ZNF892: variants seen among roughly 807,000 people sequenced by gnomAD.
The protein encoded by ZNF892 is zinc finger protein 892, also known as zinc finger protein 570-like.
chr2:95,262,152 G>A, the ZNF892 span, among the ~76,000 whole-genome samples: 2 of 152,192 alleles, frequency 1.3e-5, no homozygotes, highest in African/African-American at 2.4e-5. Flanking sequence ...TTGGGGACTA[G>A]GAGAGTAAAA....
the ZNF892 span, chr2:95,215,102 TG>T: frequency 2.0e-6 from 1 of 502,350 alleles, no homozygotes; most frequent in South Asian, 4.9e-5. Flanking sequence ...TCATTCACAC[TG>T]GAGAGAAACC....
chr2:95,243,870 T>C, the ZNF892 span, among the ~76,000 whole-genome samples: 36 of 152,138 alleles, frequency 2.4e-4, no homozygotes, highest in Admixed American at 1.6e-3. Context: ...GAACGGGCCA[T>C]GATGACAATG....
chr2:95,236,049 T>G, the ZNF892 span, among the ~76,000 whole-genome samples: 1 of 152,182 alleles, frequency 6.6e-6, no homozygotes, highest in Non-Finnish European at 1.5e-5. Flanking sequence ...GGCAGGGGAC[T>G]CTGTGGGCAA....
At chr2:95,210,595 T>C in the ZNF892 span, among the ~76,000 whole-genome samples, 1 of 152,212 alleles carries the variant, frequency 6.6e-6, no homozygotes, top group Admixed American at 6.5e-5. Context: ...CCACTTCTGT[T>C]CCCATGCACA....
chr2:95,221,960 T>C, the ZNF892 span, among the ~76,000 whole-genome samples: 4 of 152,006 alleles, frequency 2.6e-5, no homozygotes, highest in African/African-American at 9.7e-5. Context: ...TCTTCCTCCT[T>C]CTCCTTTCAC....
chr2:95,218,931 TCAA>T, the ZNF892 span, among the ~76,000 whole-genome samples: 1 of 152,206 alleles, frequency 6.6e-6, no homozygotes, highest in Non-Finnish European at 1.5e-5. Flanking sequence ...GGTTAGGGTG[TCAA>T]CAATGAATTG....
chr2:95,242,748 T>C, the ZNF892 span, among the ~76,000 whole-genome samples: 1 of 152,138 alleles, frequency 6.6e-6, no homozygotes, highest in Non-Finnish European at 1.5e-5. Flanking sequence ...AAGAGATCCA[T>C]CTCATGTGCA....
At chr2:95,207,492 C>T in the ZNF892 span, 1 of 260,036 alleles carries the variant, frequency 3.8e-6, no homozygotes, top group African/African-American at 2.2e-5. Context: ...GGCCGTCAGC[C>T]GCGCCCCGCG....
the ZNF892 span, among the ~76,000 whole-genome samples, chr2:95,246,146 A>T: frequency 7.2e-5 from 11 of 152,210 alleles, 2 homozygotes; most frequent in Admixed American, 7.2e-4. Context: ...ATCCAGCAGC[A>T]CATCAAAAAG....
chr2:95,247,228 A>G, the ZNF892 span, among the ~76,000 whole-genome samples: 1 of 152,138 alleles, frequency 6.6e-6, no homozygotes, highest in South Asian at 2.1e-4. Flanking sequence ...TCTGAGCTTC[A>G]ACAAAGTTGA....
chr2:95,207,550 G>T, the ZNF892 span: 1 of 361,046 alleles, frequency 2.8e-6, no homozygotes, highest in Non-Finnish European at 4.9e-6. Context: ...CCGGCGCTAG[G>T]CGTCCCCGCC....
At chr2:95,225,699 G>T in the ZNF892 span, among the ~76,000 whole-genome samples, 13 of 152,232 alleles carry the variant, frequency 8.5e-5, no homozygotes, top group East Asian at 1.9e-3. Context: ...ATCCCCAAAA[G>T]TCTTAACTGA....
the ZNF892 span, among the ~76,000 whole-genome samples, chr2:95,256,952 G>T: frequency 6.6e-6 from 1 of 152,128 alleles, no homozygotes; most frequent in Non-Finnish European, 1.5e-5. Flanking sequence ...CTCTGCATTG[G>T]TTATTCTAGT....
the ZNF892 span, chr2:95,208,703 C>G: frequency 7.5e-6 from 3 of 398,616 alleles, no homozygotes; most frequent in Non-Finnish European, 1.3e-5. Flanking sequence ...AAGAAAATGA[C>G]GTGACTGCTG....
At chr2:95,241,255 A>AC in the ZNF892 span, among the ~76,000 whole-genome samples, 1 of 151,692 alleles carries the variant, frequency 6.6e-6, no homozygotes, top group Admixed American at 6.6e-5. Flanking sequence ...ACAGGTCAGC[A>AC]CCCCCCTGGG....
At chr2:95,258,615 G>A in the ZNF892 span, among the ~76,000 whole-genome samples, 3 of 152,164 alleles carry the variant, frequency 2.0e-5, no homozygotes, top group African/African-American at 7.2e-5. Flanking sequence ...CAAAGAACGA[G>A]GGAGTTGAAA....
chr2:95,235,891 T>C, the ZNF892 span, among the ~76,000 whole-genome samples: 1 of 152,116 alleles, frequency 6.6e-6, no homozygotes, highest in Non-Finnish European at 1.5e-5. Context: ...AGCTCAAAGG[T>C]GGTGAATACA....
chr2:95,253,677 T>C, the ZNF892 span, among the ~76,000 whole-genome samples: 5 of 152,242 alleles, frequency 3.3e-5, no homozygotes, highest in Non-Finnish European at 7.3e-5. Context: ...CCTTGGGCAG[T>C]ATGGGCATTT....
chr2:95,229,162 C>T, the ZNF892 span, among the ~76,000 whole-genome samples: 1 of 152,182 alleles, frequency 6.6e-6, no homozygotes, highest in African/African-American at 2.4e-5. Flanking sequence ...CTTCCTGAGG[C>T]TGTGTCATGG....
Sources: allele counts gnomAD v4.1 joint callset (sites outside exome capture counted in the v4.1 genomes callset), GRCh38; gene constraint gnomAD v4.1.1; transcripts MANE v1.5; gene names NCBI Gene and HGNC (gene_info 2026-07-23, HGNC 2026-07-21).